Variants in RXRG observed in about 807,000 individuals in gnomAD.
The protein encoded by RXRG is retinoic acid receptor RXR-gamma.
Under a neutral mutation model 49.2 loss-of-function variants are expected in RXRG, and 19 were observed. That is an observed-to-expected ratio of 0.39 (90% confidence interval 0.27 to 0.57). The LOEUF (loss-of-function observed/expected upper bound fraction) is 0.57, where lower values mean the gene tolerates loss of function less well. Ranked by LOEUF, RXRG falls within the 20% of genes least tolerant of loss-of-function variation. The pLI, the probability that RXRG is intolerant of heterozygous loss-of-function variation, is 0.64. For synonymous variants in RXRG, 224 were observed against 216.6 expected, an observed-to-expected ratio of 1.03 and a Z score of -0.30; for missense variants, 452 against 592.5, an observed-to-expected ratio of 0.76 and a Z score of 2.46.
chr1:165,428,977 A>G lies in RXRG; in HGVS notation c.50-11T>C. The G allele has an allele frequency of 6.2e-7, 1 of 1,609,482 alleles. No individual in the cohort carries two copies. The highest frequency in any genetic ancestry group is 1.3e-5 in the African/African-American group (1 of 74,948). On this transcript the variant is annotated splice_polypyrimidine_tract_variant and intron_variant, in intron 1 of 9. Coordinates refer to ENST00000359842, the MANE Select transcript of RXRG (RefSeq NM_006917.5). ...TGTGGCCAGGGGAGCCTGTAAGAAG[A>G]AGAATATAGATGGTGGGAGGTTGGG...
rs1050169967 is a variant in RXRG at position 165,431,126 on chromosome 1, A to C, written c.50-2160T>G. On this transcript the variant is annotated intron_variant, in intron 1 of 9. Transcript: ENST00000359842. ...CTCCATCTCTATCAGATTACCTGGC[A>C]CTGCCCAGGTAGTTAGTGGCAAAGC... 9.2e-5 allele frequency among the ~76,000 whole-genome samples: 14 copies of C among 152,222 alleles called. 1 individual carries two copies. The highest frequency in any genetic ancestry group is 3.4e-4 in the African/African-American group (14 of 41,458).
intron 3 of RXRG, 55 bp downstream of exon 3, chr1:165,419,815 G>A (rs1378209221): frequency 6.9e-7 from 1 of 1,449,856 alleles, no homozygotes; most frequent in Admixed American, 2.2e-5. Flanking sequence ...CAGGCAGACA[G>A]TGAGCAGCCC....
At chr1:165,425,507 C>T (rs1025952193) in intron 2 of RXRG, among the ~76,000 whole-genome samples, 5 of 152,300 alleles carry the variant, frequency 3.3e-5, no homozygotes, top group Middle Eastern at 3.4e-3. Context: ...CTTTGCAAAA[C>T]TGTACTTTCA....
At chr1:165,411,311 A>G (rs1411580012) in intron 4 of RXRG, among the ~76,000 whole-genome samples, 42 of 152,188 alleles carry the variant, frequency 2.8e-4, no homozygotes, top group Non-Finnish European at 5.0e-4. Context: ...GGGGTTCTTT[A>G]GTGCATATTC....
At chr1:165,405,058 TA>T (rs1557908513) in intron 9 of RXRG, among the ~76,000 whole-genome samples, 1 of 152,170 alleles carries the variant, frequency 6.6e-6, no homozygotes, top group Non-Finnish European at 1.5e-5. Flanking sequence ...CGCATATTTT[TA>T]AAAAATATTT....
intron 6 of RXRG, 74 bp downstream of exon 6, chr1:165,410,628 C>G (rs756286683): frequency 1.2e-5 from 19 of 1,557,704 alleles, no homozygotes; most frequent in Admixed American, 6.8e-5. Flanking sequence ...GCAGCTCCAT[C>G]AGGCTACTTT....
In RXRG at chr1:165,401,219, T is replaced by C. The variant is rs745829027; in HGVS notation, c.*44A>G. On this transcript the variant is annotated 3_prime_UTR_variant, in exon 10 of 10. Coordinates refer to ENST00000359842, the MANE Select transcript of RXRG (RefSeq NM_006917.5). ...TGCAGGGTGGGGGTCCACACACACC[T>C]GCCCAGGGGTCATCCTGGGTGGGGA... The C allele has an allele frequency of 2.3e-5, 37 of 1,601,028 alleles. No individual in the cohort carries two copies. The highest frequency in any genetic ancestry group is 3.0e-5 in the Non-Finnish European group (35 of 1,170,890).
chr1:165,418,785 C>G (rs1175342326), intron 3 of RXRG, among the ~76,000 whole-genome samples: 4 of 152,196 alleles, frequency 2.6e-5, no homozygotes, highest in Non-Finnish European at 5.9e-5. Flanking sequence ...CATAGACTTT[C>G]AACTAGAATA....
intron 1 of RXRG, among the ~76,000 whole-genome samples, chr1:165,433,249 A>C (rs157883): frequency 0.22 from 32,869 of 152,062 alleles, 4,269 homozygotes; most frequent in African/African-American, 0.36. Flanking sequence ...TGAACTTCCA[A>C]GTCTCCAGAA....
intron 1 of RXRG, chr1:165,437,342 G>T: frequency 1.6e-6 from 1 of 640,096 alleles, no homozygotes. Context: ...TACAAGCTCT[G>T]ATGTCTTCAA....
intron 2 of RXRG, among the ~76,000 whole-genome samples, chr1:165,421,421 A>G (rs544636128): frequency 7.9e-5 from 12 of 152,082 alleles, no homozygotes; most frequent in African/African-American, 2.9e-4. Flanking sequence ...GTTTTCATGT[A>G]GTACACTGGT....
intron 1 of RXRG, among the ~76,000 whole-genome samples, chr1:165,441,631 G>A (rs962752815): frequency 3.9e-5 from 6 of 152,178 alleles, no homozygotes; most frequent in African/African-American, 1.2e-4. Context: ...CAATAGTAGC[G>A]AGCATTAGTG....
chr1:165,428,391 T>C (rs749909713), intron 2 of RXRG, among the ~76,000 whole-genome samples: 14 of 152,210 alleles, frequency 9.2e-5, no homozygotes, highest in Non-Finnish European at 1.3e-4. Flanking sequence ...ACTCAATAAA[T>C]GCTCATGATT....
intron 1 of RXRG, among the ~76,000 whole-genome samples, chr1:165,439,322 G>A (rs886204968): frequency 6.6e-6 from 1 of 151,494 alleles, no homozygotes; most frequent in Non-Finnish European, 1.5e-5. Flanking sequence ...GGGTGGAGGA[G>A]AGGGAGAGAG....
chr1:165,431,503 C>T (rs1489929042), intron 1 of RXRG, among the ~76,000 whole-genome samples: 1 of 152,154 alleles, frequency 6.6e-6, no homozygotes, highest in Admixed American at 6.5e-5. Context: ...GGGTGAGGAG[C>T]CATAAACTCC....
chr1:165,409,739 CT>C, intron 6 of RXRG, 49 bp from the exon 7 acceptor site: 1 of 1,394,734 alleles, frequency 7.2e-7, no homozygotes. Flanking sequence ...CACATTCTTT[CT>C]TTACTTATAA....
At chr1:165,430,696 T>G (rs1249230529) in intron 1 of RXRG, among the ~76,000 whole-genome samples, 1 of 152,248 alleles carries the variant, frequency 6.6e-6, no homozygotes, top group Non-Finnish European at 1.5e-5. Flanking sequence ...CATGGCAAAG[T>G]GGTTAAAATT....
At chr1:165,405,877 C>T (rs925013875) in intron 9 of RXRG, among the ~76,000 whole-genome samples, 1 of 152,346 alleles carries the variant, frequency 6.6e-6, no homozygotes, top group Non-Finnish European at 1.5e-5. Flanking sequence ...AGCTCAGTCT[C>T]TTCTGGACAA....
rs757744281 is a variant in RXRG, at chr1:165,428,803, T to G, written c.213A>C (p.Arg71=). 1.2e-5 allele frequency: 20 copies of G among 1,613,842 alleles called. No homozygotes were observed. The highest frequency in any genetic ancestry group is 1.6e-4 in the Middle Eastern group (1 of 6,084). The change falls in exon 2 of 10, where the codon CGA becomes CGC. Residue 71 remains arginine (R), a synonymous_variant. Coordinates refer to ENST00000359842, the MANE Select transcript of RXRG (RefSeq NM_006917.5). ...GTGGGCCCATGGCAGAGGTGATGAC[T>G]CGATATGGAGAGCCCAGGGCATTGA... The part of the protein sequence containing the change: ...TPLNALGSPY[R]VITSAMGPPS...
Sources: gnomAD v4.1 joint callset for allele counts (sites outside exome capture counted in the v4.1 genomes callset) on GRCh38, gnomAD v4.1.1 for gene constraint, MANE v1.5 for transcripts, NCBI Gene and HGNC (gene_info 2026-07-23, HGNC 2026-07-21) for gene names.